The following REEP1 variants were observed in gnomAD, a reference collection of about 807,000 sequenced individuals.
REEP1 encodes the protein receptor accessory protein 1.
REEP1 carries 22 observed loss-of-function variants against 40.3 expected under a neutral mutation model. The ratio of observed to expected loss-of-function variants is 0.55; its 90% CI spans 0.39 to 0.78. The LOEUF (loss-of-function observed/expected upper bound fraction) is 0.78, where lower values mean the gene tolerates loss of function less well. Among genes scored for constraint, REEP1 ranks in the 30% least tolerant of loss-of-function variants. The pLI, the probability that REEP1 is intolerant of heterozygous loss-of-function variation, is 0.00. For synonymous variants in REEP1, 116 were observed against 139.2 expected (o/e 0.83, Z 1.17); for missense variants, 280 against 361.1 (o/e 0.78, Z 1.82).
intron 3 of REEP1, among the ~76,000 whole-genome samples, chr2:86,263,678 A>T (rs1676982371): frequency 6.6e-6 from 1 of 152,122 alleles, no homozygotes; most frequent in South Asian, 2.1e-4. Context: ...TAACGTACGA[A>T]TGCTTCTTTA....
At chr2:86,220,202 G>A in intron 7 of REEP1, 81 bp from the exon 8 acceptor site, 2 of 998,558 alleles carry the variant, frequency 2.0e-6, no homozygotes, top group Middle Eastern at 3.6e-4. Flanking sequence ...GAAGGGCAAG[G>A]TTAGGCACAC....
chr2:86,242,506 AC>A (rs1675718873), intron 5 of REEP1, among the ~76,000 whole-genome samples: 3 of 65,994 alleles, frequency 4.5e-5, no homozygotes, highest in Middle Eastern at 0.01. Flanking sequence ...GACGGCATTA[AC>A]CTGGAGGAGA....
chr2:86,319,995 T>C (rs1268357312), intron 1 of REEP1, among the ~76,000 whole-genome samples: 1 of 152,242 alleles, frequency 6.6e-6, no homozygotes, highest in Non-Finnish European at 1.5e-5. Context: ...TACACCCTGA[T>C]TTCAGACTTC....
At chr2:86,265,999 G>A (rs1677114617) in intron 2 of REEP1, among the ~76,000 whole-genome samples, 1 of 152,060 alleles carries the variant, frequency 6.6e-6, no homozygotes, top group African/African-American at 2.4e-5. Context: ...TCACACACAA[G>A]GTTCTGTATA....
intron 2 of REEP1, among the ~76,000 whole-genome samples, chr2:86,276,843 C>T (rs948552002): frequency 2.0e-5 from 3 of 152,216 alleles, no homozygotes; most frequent in African/African-American, 7.2e-5. Context: ...TCTCAGACCC[C>T]ATCCCAGACC....
chr2:86,281,281 A>G (rs1338167956), intron 2 of REEP1, among the ~76,000 whole-genome samples: 1 of 152,188 alleles, frequency 6.6e-6, no homozygotes, highest in Non-Finnish European at 1.5e-5. Flanking sequence ...TCCTCTGACC[A>G]GTAAGTCCTC....
intron 4 of REEP1, 30 bp from the exon 5 acceptor site, chr2:86,252,100 G>A (rs770204731): frequency 6.9e-7 from 1 of 1,453,422 alleles, no homozygotes; most frequent in Non-Finnish European, 9.7e-7. Context: ...GGCACACTGA[G>A]CTGGAAGGTT....
At position 86,335,458 on chromosome 2, in the gene REEP1, T is replaced by G. The variant is rs114242076; in HGVS notation, c.32+2021A>C. Among the ~76,000 whole-genome samples, 378 of 152,228 alleles carry G rather than the reference T, an allele frequency of 2.5e-3. 3 individuals are homozygous for G. Among genetic ancestry groups the G allele is most frequent in the African/African-American group, 8.7e-3 (362 of 41,532 alleles). ...CATTTAAATTCTCTGAAGTCTCGGT[T>G]CTAGGGAGTGTGGTTGTTTTAGAAA... is the stretch of plus-strand genomic sequence containing the variant. On this transcript the variant is annotated intron_variant, in intron 1 of 8. Coordinates refer to ENST00000538924, the MANE Select transcript of REEP1 (RefSeq NM_001371279.1).
intron 5 of REEP1, among the ~76,000 whole-genome samples, 170 bp from the exon 6 acceptor site, chr2:86,232,972 C>T (rs1267587888): frequency 1.3e-5 from 2 of 152,204 alleles, no homozygotes; most frequent in African/African-American, 2.4e-5. Flanking sequence ...AGGGTCAAAT[C>T]CCGGAATTTT....
At chr2:86,229,801 G>A (rs552575852) in intron 6 of REEP1, among the ~76,000 whole-genome samples, 9 of 151,782 alleles carry the variant, frequency 5.9e-5, no homozygotes, top group Non-Finnish European at 1.0e-4. Flanking sequence ...TAGTAGAGAC[G>A]GGGTTTCTCC....
At chr2:86,223,802 C>T (rs770241851) in intron 7 of REEP1, 5 of 151,652 alleles carry the variant, frequency 3.3e-5, no homozygotes, top group Admixed American at 6.6e-5. Context: ...AAATTATGTC[C>T]TACATGCTTG....
intron 1 of REEP1, among the ~76,000 whole-genome samples, chr2:86,296,352 A>C (rs763349105): frequency 6.6e-6 from 1 of 152,254 alleles, no homozygotes; most frequent in Non-Finnish European, 1.5e-5. Context: ...AGAGAAGTTA[A>C]ATAGTTGGAC....
intron 1 of REEP1, among the ~76,000 whole-genome samples, chr2:86,320,900 C>A (rs376444699): frequency 7.9e-4 from 120 of 152,334 alleles, no homozygotes; most frequent in African/African-American, 2.8e-3. Flanking sequence ...CTCACGGCAA[C>A]CTCCGCCTCC....
At chr2:86,337,775 C>G, upstream of REEP1, 2 of 806,406 alleles carry the variant, frequency 2.5e-6, no homozygotes, top group Non-Finnish European at 3.2e-6. This position sits in a 1 kb window ranked among gnomAD's most constrained non-coding sequence, Gnocchi z 5.8. Context: ...GGGCCCGCCC[C>G]GTCCCGCTCG....
intron 1 of REEP1, among the ~76,000 whole-genome samples, chr2:86,329,133 G>A (rs867028682): frequency 2.6e-5 from 4 of 152,156 alleles, no homozygotes; most frequent in Admixed American, 6.5e-5. Context: ...CCTGGAGTGC[G>A]GCCATCCCTG....
At chr2:86,263,753 A>G (rs1234198278) in intron 3 of REEP1, among the ~76,000 whole-genome samples, 1 of 152,224 alleles carries the variant, frequency 6.6e-6, no homozygotes, top group African/African-American at 2.4e-5. Context: ...GGCTTAGAAT[A>G]ATAACTGCTC....
intron 1 of REEP1, among the ~76,000 whole-genome samples, chr2:86,298,993 G>C (rs962632338): frequency 2.0e-5 from 3 of 152,158 alleles, no homozygotes; most frequent in African/African-American, 7.2e-5. Flanking sequence ...AATCAATGAA[G>C]CAAAGCTGGG....
At chr2:86,293,093 CATTCATTT>C (rs773196541) in intron 1 of REEP1, among the ~76,000 whole-genome samples, 1,734 of 152,210 alleles carry the variant, frequency 0.011, 35 homozygotes, top group African/African-American at 0.039. Context: ...TTCATTCATT[CATTCATTT>C]GTTTGTTCGT....
chr2:86,336,933 T>A (rs1681070240), intron 1 of REEP1: 1 of 152,368 alleles, frequency 6.6e-6, no homozygotes, highest in South Asian at 2.1e-4. Context: ...CCGCTGTCGA[T>A]GCAGACACCT....
Sources: allele counts gnomAD v4.1 joint callset (sites outside exome capture counted in the v4.1 genomes callset), GRCh38; gene constraint gnomAD v4.1.1; non-coding constraint Gnocchi (gnomAD v3.1); transcripts MANE v1.5; gene names NCBI Gene and HGNC (gene_info 2026-07-23, HGNC 2026-07-21).